LARP4B: variants seen among roughly 807,000 people sequenced by gnomAD.
The protein encoded by LARP4B is la-related protein 4B.
Under a neutral mutation model 89.8 loss-of-function variants are expected in LARP4B, and 12 were observed. The observed-to-expected ratio is 0.13, with a 90% CI of 0.09 to 0.22. The LOEUF is 0.22. LARP4B is among the 10% of genes least tolerant of loss of function. The probability of loss-of-function intolerance (pLI) is 1.00; values close to 1 mark genes in which losing one functional copy is unlikely to be tolerated. For missense variants in LARP4B, 757 were observed against 947.7 expected (o/e 0.80, Z 2.64); for synonymous variants, 367 against 363.3 (o/e 1.01, Z -0.12).
At chr10:819,847 A>G (rs1042116777) in intron 14 of LARP4B, 3 of 152,228 alleles carry the variant, frequency 2.0e-5, no homozygotes, top group African/African-American at 7.2e-5. Context: ...ATGAGAAAGC[A>G]CCTGTGTGAT....
At chr10:973,709 G>C in the LARP4B span, among the ~76,000 whole-genome samples, 1 of 152,136 alleles carries the variant, frequency 6.6e-6, no homozygotes, top group Admixed American at 6.6e-5. Flanking sequence ...GTTCCCGTTA[G>C]CTAAATTTTT....
chr10:937,125 C>G, the LARP4B span, among the ~76,000 whole-genome samples: 1 of 152,192 alleles, frequency 6.6e-6, no homozygotes, highest in Non-Finnish European at 1.5e-5. Flanking sequence ...TCACTGCAGT[C>G]TCGACCTCCT....
At chr10:943,940 G>A in the LARP4B span, among the ~76,000 whole-genome samples, 1 of 152,170 alleles carries the variant, frequency 6.6e-6, no homozygotes, top group African/African-American at 2.4e-5. Context: ...TCAGCGGGAT[G>A]GGTGCCTTAC....
chr10:945,457 C>A, the LARP4B span, among the ~76,000 whole-genome samples: 1 of 151,192 alleles, frequency 6.6e-6, no homozygotes, highest in Non-Finnish European at 1.5e-5. Context: ...GAGGCCAAGG[C>A]GGGTGGATCA....
At chr10:965,723 T>C in the LARP4B span, among the ~76,000 whole-genome samples, 1 of 151,068 alleles carries the variant, frequency 6.6e-6, no homozygotes, top group East Asian at 1.9e-4. Context: ...GACCCGGCGC[T>C]GTGAAGAAAA....
chr10:880,303 T>A lies in LARP4B; in HGVS notation c.141+4144A>T, dbSNP rs185949047. 6.6e-5 allele frequency among the ~76,000 whole-genome samples: 10 copies of A among 152,310 alleles called. No individual in the cohort carries two copies. In the East Asian group the frequency reaches 1.9e-3, roughly 29 times the overall value. On this transcript the variant is annotated intron_variant, in intron 3 of 17. Coordinates refer to ENST00000316157, the MANE Select transcript of LARP4B (RefSeq NM_015155.3). ...TTAATAGTTATTCATTCAGAAGCTG[T>A]GTCATCAAAAGGCAAAGGTGGTTTT...
intron 3 of LARP4B, among the ~76,000 whole-genome samples, chr10:876,471 A>G (rs1351310418): frequency 1.3e-5 from 2 of 152,260 alleles, no homozygotes; most frequent in Non-Finnish European, 2.9e-5. Context: ...AAGACCCAAC[A>G]GGGCAGACAA....
chr10:892,903 T>C (rs1453590630), intron 1 of LARP4B, among the ~76,000 whole-genome samples: 1 of 22,608 alleles, frequency 4.4e-5, no homozygotes, highest in African/African-American at 1.6e-4. Context: ...CCAAGAGAAA[T>C]TTTTTTTTTT....
At chr10:864,456 A>T (rs1241324707) in intron 3 of LARP4B, among the ~76,000 whole-genome samples, 186 bp from the exon 4 acceptor site, 2 of 151,996 alleles carry the variant, frequency 1.3e-5, no homozygotes, top group Admixed American at 1.3e-4. Context: ...GAATTCCATT[A>T]AATTCCCCCC....
intron 7 of LARP4B, among the ~76,000 whole-genome samples, chr10:837,054 G>C (rs1443645447): frequency 2.0e-5 from 3 of 152,160 alleles, no homozygotes; most frequent in African/African-American, 7.2e-5. Flanking sequence ...CTGTCACAAA[G>C]ACACAAATCA....
intron 7 of LARP4B, among the ~76,000 whole-genome samples, chr10:842,573 C>T (rs1833576005): frequency 3.3e-5 from 5 of 152,112 alleles, no homozygotes; most frequent in Admixed American, 3.3e-4. Flanking sequence ...GAAAGAAAAA[C>T]CTCTAGTGGT....
the LARP4B span, among the ~76,000 whole-genome samples, chr10:970,282 C>T: frequency 6.6e-6 from 1 of 152,214 alleles, no homozygotes; most frequent in Non-Finnish European, 1.5e-5. Flanking sequence ...AATGTCTAAG[C>T]ATTGTCACTC....
At chr10:844,171 T>C (rs1196377969) in intron 6 of LARP4B, among the ~76,000 whole-genome samples, 1 of 152,208 alleles carries the variant, frequency 6.6e-6, no homozygotes, top group Non-Finnish European at 1.5e-5. Flanking sequence ...CTTCCAGGTG[T>C]AGCTGATTCT....
rs1172803136 is a variant in LARP4B, at chr10:825,105, G to C, written c.1444C>G (p.Pro482Ala). The change falls in exon 13 of 18, where the codon CCA (proline) becomes GCA (alanine). Residue 482 changes from proline (P) to alanine (A), a missense_variant. By Grantham distance (27) the Pro-to-Ala change is conservative. This residue lies in a region of LARP4B where 387 missense variants were observed against 423.6 expected (regional missense o/e 0.91). Transcript: ENST00000316157. Reference protein sequence around the residue: ...KREAGPGRVEPGSLESSPGLG... With the variant: ...KREAGPGRVEAGSLESSPGLG... ...CCAGGAGAGGATTCGAGACTGCCTG[G>C]CTCCACACGCCCAGGCCCAGCCTCT... 6.2e-7 allele frequency: 1 copy of C among 1,614,040 alleles called. No individual in the cohort carries two copies. The highest frequency in any genetic ancestry group is 1.3e-5 in the African/African-American group (1 of 74,922).
the LARP4B span, among the ~76,000 whole-genome samples, chr10:979,515 T>C: frequency 6.6e-6 from 1 of 152,222 alleles, no homozygotes; most frequent in Non-Finnish European, 1.5e-5. Flanking sequence ...TCTATGGCTG[T>C]GGCTCCCACC....
chr10:833,266 A>C (rs909131624), intron 8 of LARP4B, among the ~76,000 whole-genome samples: 1 of 146,554 alleles, frequency 6.8e-6, no homozygotes, highest in Non-Finnish European at 1.5e-5. Context: ...AAAAAAAAAA[A>C]AAAAAAAAAA....
chr10:922,902 G>A (rs1211391304), intron 1 of LARP4B, among the ~76,000 whole-genome samples: 1 of 151,946 alleles, frequency 6.6e-6, no homozygotes, highest in East Asian at 1.9e-4. Context: ...GTGAAACCCC[G>A]TCTCTACTAA....
the LARP4B span, among the ~76,000 whole-genome samples, chr10:937,593 C>T: frequency 1.8e-4 from 28 of 152,240 alleles, no homozygotes; most frequent in African/African-American, 6.0e-4. Flanking sequence ...CTGACCCCCC[C>T]TCCCCCACAC....
chr10:971,253 A>T, the LARP4B span: 3 of 152,158 alleles, frequency 2.0e-5, no homozygotes, highest in Non-Finnish European at 4.4e-5. Context: ...TATAAAAATT[A>T]TTTTTGTCAC....
Sources: gnomAD v4.1 joint callset for allele counts (sites outside exome capture counted in the v4.1 genomes callset) on GRCh38, gnomAD v4.1.1 for gene constraint, gnomAD v4.1.1 regional missense constraint, MANE v1.5 for transcripts, NCBI Gene and HGNC (gene_info 2026-07-23, HGNC 2026-07-21) for gene names.